The following MARCHF1 variants were observed in gnomAD, a reference collection of about 807,000 sequenced individuals.
MARCHF1 encodes the protein E3 ubiquitin-protein ligase MARCHF1.
A neutral mutation model predicts 54.2 loss-of-function variants in MARCHF1; 40 were observed. The observed-to-expected ratio is 0.74, with a 90% CI of 0.57 to 0.96. MARCHF1 has a LOEUF of 0.96. Among genes scored for constraint, MARCHF1 ranks in the 40% least tolerant of loss-of-function variants. The pLI, the probability that MARCHF1 is intolerant of heterozygous loss-of-function variation, is 0.00. For synonymous variants in MARCHF1, 236 were observed against 236.3 expected (o/e 1.00, Z 0.01); for missense variants, 586 against 656.5 (o/e 0.89, Z 1.17).
At chr4:163,713,978 A>T (rs1003513733) in intron 4 of MARCHF1, among the ~76,000 whole-genome samples, 3 of 152,242 alleles carry the variant, frequency 2.0e-5, no homozygotes, top group Admixed American at 1.3e-4. Context: ...ATAACAAATA[A>T]GCATAACAAT....
chr4:164,376,259 C>T (rs1318248180), intron 1 of MARCHF1, among the ~76,000 whole-genome samples: 2 of 152,156 alleles, frequency 1.3e-5, no homozygotes, highest in African/African-American at 4.8e-5. Flanking sequence ...TTTAAATGGT[C>T]TCACTTGGTG....
At chr4:163,905,311 A>C (rs1302608929) in intron 3 of MARCHF1, among the ~76,000 whole-genome samples, 1 of 152,092 alleles carries the variant, frequency 6.6e-6, no homozygotes, top group African/African-American at 2.4e-5. Context: ...CAATATGAAC[A>C]TTCACGAACA....
intron 1 of MARCHF1, among the ~76,000 whole-genome samples, chr4:164,138,052 G>A (rs548796636): frequency 6.6e-6 from 1 of 152,270 alleles, no homozygotes; most frequent in South Asian, 2.1e-4. Context: ...GCCAAGGAAA[G>A]CTGTTTAGGG....
intron 2 of MARCHF1, among the ~76,000 whole-genome samples, chr4:164,094,928 C>T (rs1226587757): frequency 1.3e-5 from 2 of 151,978 alleles, no homozygotes; most frequent in African/African-American, 4.8e-5. Flanking sequence ...CTTTACATTA[C>T]AAAAGATAAC....
chr4:163,609,073 T>C (rs1387198400), intron 7 of MARCHF1, among the ~76,000 whole-genome samples: 1 of 152,086 alleles, frequency 6.6e-6, no homozygotes, highest in East Asian at 1.9e-4. Flanking sequence ...TAGTACCTTG[T>C]GCTAATACAT....
chr4:164,256,648 AT>A lies in MARCHF1; in HGVS notation c.-323+127221del, dbSNP rs747050057. Reference sequence around the variant, plus strand: ...GAAAACTTTTAAGCATCATGGGAGAATATCAAGAAAAATATTATAAAAATAA... The same window carrying A: ...GAAAACTTTTAAGCATCATGGGAGAAATCAAGAAAAATATTATAAAAATAA... On this transcript the variant is annotated intron_variant, in intron 1 of 9. Transcript: ENST00000514618. 5.1e-4 allele frequency among the ~76,000 whole-genome samples: 77 copies of A among 152,262 alleles called. No homozygotes were observed. The Middle Eastern group carries it at 0.014, about 27-fold the overall frequency.
At chr4:163,846,296 G>A (rs1749483368) in intron 4 of MARCHF1, among the ~76,000 whole-genome samples, 1 of 152,152 alleles carries the variant, frequency 6.6e-6, no homozygotes, top group South Asian at 2.1e-4. Flanking sequence ...AAATAAGGGT[G>A]AGTCTGTTAG....
intron 8 of MARCHF1, among the ~76,000 whole-genome samples, chr4:163,548,181 T>G (rs1235478078): frequency 1.3e-5 from 2 of 152,232 alleles, no homozygotes; most frequent in Non-Finnish European, 2.9e-5. Context: ...TATTTGGCAA[T>G]AGCATTTTGC....
At chr4:163,774,687 G>T (rs1396361905) in intron 4 of MARCHF1, among the ~76,000 whole-genome samples, 1 of 151,832 alleles carries the variant, frequency 6.6e-6, no homozygotes, top group Non-Finnish European at 1.5e-5. Flanking sequence ...GTAGAGATGG[G>T]GTTTTATCAT....
intron 4 of MARCHF1, among the ~76,000 whole-genome samples, chr4:163,784,932 C>A (rs1157766942): frequency 6.6e-6 from 1 of 151,990 alleles, no homozygotes; most frequent in African/African-American, 2.4e-5. Context: ...ATTCAAATCC[C>A]ACATACAAAG....
In MARCHF1 at chr4:164,276,018, C is replaced by T. The variant is rs527567340; in HGVS notation, c.-323+107852G>A. ...CTATCTCAACTGCTTCTAAACATGC[C>T]ACCATAGTCTGTCCCATTTCAACAA... On this transcript the variant is annotated intron_variant, in intron 1 of 9. Transcript: ENST00000514618. Among the ~76,000 whole-genome samples the T allele has an allele frequency of 3.3e-5, 5 of 152,254 alleles. No individual in the cohort carries two copies. In the South Asian group the frequency reaches 1.0e-3, roughly 32 times the overall value.
intron 3 of MARCHF1, among the ~76,000 whole-genome samples, chr4:163,981,020 A>C (rs544875687): frequency 1.3e-5 from 2 of 152,312 alleles, no homozygotes; most frequent in East Asian, 1.9e-4. Flanking sequence ...ATTACTATAG[A>C]ATCTGACCAT....
intron 1 of MARCHF1, among the ~76,000 whole-genome samples, chr4:164,142,228 C>T (rs764188146): frequency 6.6e-6 from 1 of 152,166 alleles, no homozygotes; most frequent in African/African-American, 2.4e-5. Context: ...ACTGCAAGGC[C>T]GCAGCCAGGC....
At chr4:163,618,044 C>T (rs529962485) in intron 5 of MARCHF1, among the ~76,000 whole-genome samples, 3 of 152,300 alleles carry the variant, frequency 2.0e-5, no homozygotes, top group Admixed American at 6.5e-5. Context: ...TCCACCATCA[C>T]AGTGAATCAG....
intron 3 of MARCHF1, among the ~76,000 whole-genome samples, chr4:163,861,606 T>C (rs534351500): frequency 2.6e-5 from 4 of 152,260 alleles, no homozygotes; most frequent in Non-Finnish European, 4.4e-5. Context: ...AGACATTCTG[T>C]GTTCATGGAT....
chr4:163,780,062 T>A (rs1182156927), intron 4 of MARCHF1, among the ~76,000 whole-genome samples: 1 of 152,204 alleles, frequency 6.6e-6, no homozygotes, highest in Non-Finnish European at 1.5e-5. Context: ...GATTTGTTTA[T>A]GAGCCCATTG....
At chr4:163,748,420 A>AT (rs1319498983) in intron 4 of MARCHF1, among the ~76,000 whole-genome samples, 2 of 152,156 alleles carry the variant, frequency 1.3e-5, no homozygotes, top group East Asian at 3.8e-4. Context: ...AAAAAAAAAA[A>AT]AAAGATCCCA....
chr4:163,585,517 A>C (rs1290178496), intron 8 of MARCHF1: 2 of 333,860 alleles, frequency 6.0e-6, no homozygotes, highest in African/African-American at 2.1e-5. Context: ...ACTTTTAAAA[A>C]AGCATTGAAA....
At position 164,189,283 on chromosome 4, in the gene MARCHF1, C is replaced by T. The variant is rs1273898774; in HGVS notation, c.-322-77621G>A. On this transcript the variant is annotated intron_variant, in intron 1 of 9. Transcript: ENST00000514618. ...GGCCAGATGGGCCCTGTCTCCTCAA[C>T]ATCAAGCAAGAATTGAAATTGAGTC... 8.1e-5 allele frequency: 48 copies of T among 593,220 alleles called. No individual in the cohort carries two copies. The South Asian group carries it at 1.0e-3, about 12-fold the overall frequency. The allele number at this position is 593,220 out of a possible 1,614,324, so 36.7% of individuals were successfully genotyped here.
Sources: gnomAD v4.1 joint callset for allele counts (sites outside exome capture counted in the v4.1 genomes callset) on GRCh38, gnomAD v4.1.1 for gene constraint, MANE v1.5 for transcripts, NCBI Gene and HGNC (gene_info 2026-07-23, HGNC 2026-07-21) for gene names.